Variants in CCDC141 observed in about 807,000 individuals in gnomAD.
The protein encoded by CCDC141 is coiled-coil domain containing 141, also known as coiled-coil domain-containing protein 141.
CCDC141 carries 168 observed loss-of-function variants against 181.0 expected under a neutral mutation model. The observed-to-expected ratio is 0.93, with a 90% confidence interval of 0.82 to 1.05. The LOEUF is 1.05. Ranked by LOEUF, CCDC141 falls within the 50% of genes least tolerant of loss-of-function variation. The pLI is 0.00. For missense variants in CCDC141, 1,902 were observed against 1,788.5 expected, an observed-to-expected ratio of 1.06 and a Z score of -1.14; for synonymous variants, 666 against 642.3, an observed-to-expected ratio of 1.04 and a Z score of -0.56.
At chr2:178,877,872 C>T in intron 12 of CCDC141, 92 bp downstream of exon 12, 3 of 1,237,102 alleles carry the variant, frequency 2.4e-6, no homozygotes, top group Non-Finnish European at 3.6e-6. Context: ...GAGAGAACTG[C>T]TGATTAATAG....
chr2:178,996,710 C>G (rs1392295721), intron 2 of CCDC141, among the ~76,000 whole-genome samples: 2 of 152,148 alleles, frequency 1.3e-5, no homozygotes, highest in Non-Finnish European at 2.9e-5. Flanking sequence ...TGGGACTCTC[C>G]CATGACCTCC....
intron 7 of CCDC141, among the ~76,000 whole-genome samples, chr2:178,916,939 C>T (rs926321372): frequency 6.9e-6 from 1 of 145,248 alleles, no homozygotes; most frequent in Admixed American, 6.9e-5. Flanking sequence ...TCTTCTTCTT[C>T]TTTTTTTTTT....
intron 6 of CCDC141, among the ~76,000 whole-genome samples, chr2:178,923,621 C>G (rs1401491104): frequency 6.6e-6 from 1 of 152,132 alleles, no homozygotes; most frequent in Admixed American, 6.5e-5. Context: ...TTGTCCCCAC[C>G]AGCAGAAAGC....
intron 6 of CCDC141, among the ~76,000 whole-genome samples, chr2:178,922,023 G>A (rs1688712936): frequency 6.6e-6 from 1 of 152,170 alleles, no homozygotes; most frequent in South Asian, 2.1e-4. Flanking sequence ...AATGAATATG[G>A]AGAAGCTGGG....
intron 5 of CCDC141, among the ~76,000 whole-genome samples, chr2:178,945,950 C>CA (rs1558998697): frequency 6.6e-6 from 1 of 151,958 alleles, no homozygotes; most frequent in African/African-American, 2.4e-5. Context: ...ACTATGCGAT[C>CA]AAAAGGTCTA....
In CCDC141 at chr2:178,872,275, A is replaced by G. The variant is rs772049679; in HGVS notation, c.1937T>C (p.Val646Ala). ...TTCCATGGTGTTCTTCATGAGGTAC[A>G]CTTCATTTTTCACATCTAATATCTC... ...ENEILDVKNEVYLMKNTMENQ... is the reference protein window; with the variant it reads ...ENEILDVKNEAYLMKNTMENQ... The change falls in exon 13 of 24, where the codon GTG (valine) becomes GCG (alanine). Residue 646 changes from valine to alanine, a missense_variant. Transcript: ENST00000443758. The G allele has an allele frequency of 1.2e-6, 2 of 1,613,602 alleles. No individual in the cohort carries two copies. The highest frequency in any genetic ancestry group is 2.2e-5 in the East Asian group (1 of 44,840).
At chr2:178,920,886 T>A (rs1688661128) in intron 6 of CCDC141, among the ~76,000 whole-genome samples, 1 of 152,208 alleles carries the variant, frequency 6.6e-6, no homozygotes, top group South Asian at 2.1e-4. Context: ...AGTAAGAAAT[T>A]TGAATTATTT....
chr2:178,959,131 T>C (rs1175812171), intron 5 of CCDC141, among the ~76,000 whole-genome samples: 4 of 122,786 alleles, frequency 3.3e-5, no homozygotes, highest in Non-Finnish European at 6.7e-5. Flanking sequence ...GATCACACAC[T>C]GGGGCCTGTT....
intron 2 of CCDC141, among the ~76,000 whole-genome samples, chr2:179,027,937 G>A (rs2042900204): frequency 6.6e-6 from 1 of 152,122 alleles, no homozygotes. Flanking sequence ...GCATCCATGT[G>A]TACTCAATGT....
At chr2:178,965,396 G>C (rs1479009480) in intron 4 of CCDC141, among the ~76,000 whole-genome samples, 1 of 152,218 alleles carries the variant, frequency 6.6e-6, no homozygotes, top group Non-Finnish European at 1.5e-5. Flanking sequence ...CAGAAGGAAG[G>C]TGATTTCTGC....
chr2:178,969,759 T>A (rs890136615), intron 4 of CCDC141, among the ~76,000 whole-genome samples: 5 of 152,204 alleles, frequency 3.3e-5, no homozygotes, highest in African/African-American at 1.2e-4. Context: ...AACATAGTAT[T>A]GGAAGTTCTG....
chr2:178,855,623 G>A, intron 18 of CCDC141, 82 bp from the exon 19 acceptor site: 51 of 922,694 alleles, frequency 5.5e-5, no homozygotes, highest in South Asian at 1.7e-4. Flanking sequence ...GAGAAAAACT[G>A]GTAAAAATTT....
At position 178,918,923 on chromosome 2, in the gene CCDC141, C is replaced by A. The variant is rs1485374659; in HGVS notation, c.898-16G>T. 6 of 1,546,204 alleles carry A rather than the reference C, an allele frequency of 3.9e-6. No individual in the cohort carries two copies. The highest frequency in any genetic ancestry group is 1.4e-5 in the African/African-American group (1 of 72,846). ...AATTCCATTCCTGCAAGAGATTATT[C>A]TTATTATTTTATACATCTCCTCTGT... On this transcript the variant is annotated splice_polypyrimidine_tract_variant and intron_variant, in intron 6 of 23. Transcript: ENST00000443758.
chr2:179,028,569 A>G (rs2042919428), intron 2 of CCDC141, among the ~76,000 whole-genome samples: 1 of 152,130 alleles, frequency 6.6e-6, no homozygotes, highest in Admixed American at 6.5e-5. Context: ...TCAAAATGGT[A>G]CCCTTTGGCA....
At chr2:179,035,377 C>T (rs1237330750) in intron 2 of CCDC141, among the ~76,000 whole-genome samples, 2 of 152,184 alleles carry the variant, frequency 1.3e-5, no homozygotes, top group Non-Finnish European at 2.9e-5. Context: ...TTTATAAGCA[C>T]TGCCTTCAAA....
intron 2 of CCDC141, among the ~76,000 whole-genome samples, chr2:178,979,343 A>T (rs1399399710): frequency 2.0e-5 from 3 of 152,220 alleles, no homozygotes; most frequent in Non-Finnish European, 4.4e-5. Context: ...AGTAGACTAA[A>T]ATAGTATGAA....
chr2:179,046,951 T>A (rs1244084283), intron 2 of CCDC141, among the ~76,000 whole-genome samples: 1 of 152,188 alleles, frequency 6.6e-6, no homozygotes, highest in Admixed American at 6.5e-5. Flanking sequence ...AAATTGTGGA[T>A]CTGTTTTTGT....
At chr2:178,943,015 G>A (rs1459373607) in intron 6 of CCDC141, among the ~76,000 whole-genome samples, 2 of 152,046 alleles carry the variant, frequency 1.3e-5, no homozygotes, top group Non-Finnish European at 2.9e-5. Flanking sequence ...CTGTCTTCAG[G>A]GCTAGAGGAA....
At chr2:178,838,851 C>G (rs1684599674) in intron 22 of CCDC141, among the ~76,000 whole-genome samples, 2 of 152,306 alleles carry the variant, frequency 1.3e-5, no homozygotes, top group South Asian at 4.1e-4. Context: ...CCACATCCAT[C>G]TCTGGTTTAA....
Sources: allele counts gnomAD v4.1 joint callset (sites outside exome capture counted in the v4.1 genomes callset), GRCh38; gene constraint gnomAD v4.1.1; transcripts MANE v1.5; gene names NCBI Gene and HGNC (gene_info 2026-07-23, HGNC 2026-07-21).